Variants in ERICH1 observed in about 807,000 individuals in gnomAD.
The protein encoded by ERICH1 is glutamate-rich protein 1.
A neutral mutation model predicts 39.6 loss-of-function variants in ERICH1; 56 were observed. The ratio of observed to expected loss-of-function variants is 1.41; its 90% CI spans 1.14 to 1.77. ERICH1 has a LOEUF of 1.77. Among genes scored for constraint, ERICH1 ranks in the 40% most tolerant of loss-of-function variants. The pLI is 0.00. For synonymous variants in ERICH1, 313 were observed against 223.6 expected (o/e 1.40, Z -3.57); for missense variants, 826 against 575.4 (o/e 1.44, Z -4.45).
chr8:712,064 T>C (rs530231367), intron 2 of ERICH1, among the ~76,000 whole-genome samples: 47 of 152,366 alleles, frequency 3.1e-4, no homozygotes, highest in African/African-American at 1.1e-3. Flanking sequence ...TAAGTAACTC[T>C]TGAAGTCATG....
At chr8:629,628 CCAGAG>C (rs1797838507) in intron 3 of ERICH1, among the ~76,000 whole-genome samples, 32 of 98,290 alleles carry the variant, frequency 3.3e-4, no homozygotes, top group Admixed American at 1.1e-3. Context: ...TGTGACCACC[CCAGAG>C]ACAGAGCTGA....
intron 1 of ERICH1, among the ~76,000 whole-genome samples, chr8:726,884 T>TAC (rs967550090): frequency 8.3e-5 from 8 of 96,270 alleles, no homozygotes; most frequent in African/African-American, 3.4e-4. Context: ...CACACACATG[T>TAC]ACACACACAT....
In ERICH1 at chr8:726,381, T is replaced by C. The variant is rs185044400; in HGVS notation, c.22+4759A>G. Among the ~76,000 whole-genome samples the C allele has an allele frequency of 9.6e-4, 143 of 148,562 alleles. 1 individual carries two copies. The highest frequency in any genetic ancestry group is 3.5e-3 in the African/African-American group (138 of 39,980). On this transcript the variant is annotated intron_variant, in intron 1 of 5. Coordinates refer to ENST00000262109, the MANE Select transcript of ERICH1 (RefSeq NM_207332.3). Reference sequence around the variant, plus strand: ...GCATACACAGGCGCACATGCATGCATAGACACACAGGAAAACACACAGACA... The same window carrying C: ...GCATACACAGGCGCACATGCATGCACAGACACACAGGAAAACACACAGACA...
chr8:726,986 TACAC>T (rs1275662094), intron 1 of ERICH1, among the ~76,000 whole-genome samples: 9 of 121,738 alleles, frequency 7.4e-5, no homozygotes, highest in South Asian at 2.3e-4. Flanking sequence ...CACATACACA[TACAC>T]ACACGCACAC....
chr8:655,948 AGGTCCCTCCCCC>A (rs1563194335), intron 3 of ERICH1, among the ~76,000 whole-genome samples: 1 of 152,126 alleles, frequency 6.6e-6, no homozygotes, highest in East Asian at 1.9e-4. Context: ...CAATCGCAAC[AGGTCCCTCCCCC>A]TGCCCAGGTG....
At position 664,685 on chromosome 8, in the gene ERICH1, C is replaced by A; in HGVS notation, c.1259-9G>T. 1.3e-6 allele frequency: 2 copies of A among 1,578,116 alleles called. No homozygotes were observed. The highest frequency in any genetic ancestry group is 1.7e-6 in the Non-Finnish European group (2 of 1,158,042). ...GATTACTCTGGCATGGTCTAGAAAG[C>A]AAAAAACACAAAACAAAAAATAAAA... On this transcript the variant is annotated splice_polypyrimidine_tract_variant and intron_variant, in intron 5 of 5. Transcript: ENST00000262109.
intron 1 of ERICH1, among the ~76,000 whole-genome samples, chr8:721,743 A>G (rs1291394917): frequency 2.6e-5 from 4 of 152,178 alleles, no homozygotes; most frequent in Non-Finnish European, 5.9e-5. Flanking sequence ...GACTAATACC[A>G]AAAGCAGAAC....
At position 668,788 on chromosome 8, in the gene ERICH1, G is replaced by A. The variant is rs1352168837; in HGVS notation, c.1068C>T (p.Val356=). 2 of 1,602,854 alleles carry A rather than the reference G, an allele frequency of 1.2e-6. No individual in the cohort carries two copies. Among genetic ancestry groups the A allele is most frequent in the Non-Finnish European group, 1.7e-6 (2 of 1,174,786 alleles). The change falls in exon 5 of 6, where the codon GTC becomes GTT. Residue 356 remains valine (V), a synonymous_variant. Transcript: ENST00000262109. ...GGGCAGCTGAAGCTGCATCTCTGGA[G>A]ACACCTACATAAAGTCAGTTTTGCT... is the stretch of plus-strand genomic sequence containing the variant. ...STQEMYFYDG[V]SRDAASAALA...
intron 3 of ERICH1, among the ~76,000 whole-genome samples, chr8:629,803 C>G (rs1475378706): frequency 7.4e-6 from 1 of 135,054 alleles, no homozygotes; most frequent in African/African-American, 3.2e-5. Flanking sequence ...TGACTCACAC[C>G]CTCCTGTGAG....
downstream of ERICH1, among the ~76,000 whole-genome samples, chr8:663,878 G>C (rs1045817746): frequency 5.3e-5 from 8 of 151,936 alleles, no homozygotes; most frequent in Non-Finnish European, 7.4e-5. Flanking sequence ...TCTTGCCTCA[G>C]CCTCCAGAGT....
intron 1 of ERICH1, among the ~76,000 whole-genome samples, chr8:722,899 A>G (rs1418040163): frequency 6.6e-6 from 1 of 152,228 alleles, no homozygotes. Context: ...AAGAGAGACC[A>G]CAAATATTCA....
At chr8:687,992 C>G (rs1008772148) in intron 3 of ERICH1, among the ~76,000 whole-genome samples, 4 of 152,130 alleles carry the variant, frequency 2.6e-5, no homozygotes, top group African/African-American at 9.7e-5. Flanking sequence ...GCCCGGGTCC[C>G]GAGCCCCGAC....
chr8:626,226 G>T (rs1272107291), intron 3 of ERICH1: 2 of 152,172 alleles, frequency 1.3e-5, no homozygotes, highest in Non-Finnish European at 2.9e-5. Flanking sequence ...ACAAATTGCT[G>T]GGAGTTAGGC....
At chr8:651,361 A>G (rs577369577) in intron 3 of ERICH1, among the ~76,000 whole-genome samples, 1 of 152,336 alleles carries the variant, frequency 6.6e-6, no homozygotes, top group South Asian at 2.1e-4. Flanking sequence ...TTTGCAATCT[A>G]TCTTTACAAA....
intron 1 of ERICH1, among the ~76,000 whole-genome samples, chr8:717,752 T>C (rs969781072): frequency 2.6e-5 from 4 of 152,128 alleles, no homozygotes; most frequent in African/African-American, 9.7e-5. Flanking sequence ...TGAAGTCGCC[T>C]CCCCAGGCAC....
chr8:699,664 C>T (rs1252664391), intron 2 of ERICH1, among the ~76,000 whole-genome samples: 1 of 152,118 alleles, frequency 6.6e-6, no homozygotes. Context: ...CACAGGAGCA[C>T]GTACAGACCC....
At chr8:683,385 G>T (rs745687245) in intron 3 of ERICH1, among the ~76,000 whole-genome samples, 6 of 152,234 alleles carry the variant, frequency 3.9e-5, no homozygotes, top group African/African-American at 1.4e-4. Flanking sequence ...AGCCACCAAG[G>T]ACTGCCTGTG....
rs138151862 is a variant in ERICH1, at chr8:645,122, C to T, written c.976+23476G>A. Among the ~76,000 whole-genome samples the T allele has an allele frequency of 4.3e-5, 3 of 69,122 alleles. 1 individual carries two copies. Among genetic ancestry groups the T allele is most frequent in the African/African-American group, 1.1e-4 (3 of 27,426 alleles). 45.3% of individuals were successfully genotyped at this position (69,122 alleles called of 152,430 possible). ...CACACAGAGCAGTGAACCTGAGTTTCGCTGGCCCCGGTTGAGGGGGAGGTG... is the reference window on the plus strand; with the variant it reads ...CACACAGAGCAGTGAACCTGAGTTTTGCTGGCCCCGGTTGAGGGGGAGGTG... On this transcript the variant is annotated intron_variant, in intron 3 of 3. Transcript: ENST00000522706.
At chr8:624,205 A>G (rs1355933415) in intron 3 of ERICH1, among the ~76,000 whole-genome samples, 1 of 152,212 alleles carries the variant, frequency 6.6e-6, no homozygotes, top group African/African-American at 2.4e-5. Context: ...ATCAGCTCAA[A>G]CCTGTGAGGA....
Sources: allele counts gnomAD v4.1 joint callset (sites outside exome capture counted in the v4.1 genomes callset), GRCh38; gene constraint gnomAD v4.1.1; transcripts MANE v1.5; gene names NCBI Gene and HGNC (gene_info 2026-07-23, HGNC 2026-07-21).